Variants in LRIF1 observed in about 807,000 individuals in gnomAD.
The protein encoded by LRIF1 is ligand dependent nuclear receptor interacting factor 1, also known as ligand-dependent nuclear receptor-interacting factor 1.
In LRIF1, 32 loss-of-function variants were observed where a neutral mutation model predicts 52.7. The observed-to-expected ratio is 0.61, with a 90% CI of 0.46 to 0.82. The LOEUF is 0.82. LRIF1 is among the 40% of genes least tolerant of loss of function. The probability of loss-of-function intolerance (pLI) is 0.00; values close to 1 mark genes in which losing one functional copy is unlikely to be tolerated. For missense variants in LRIF1, 887 were observed against 892.0 expected (o/e 0.99, Z 0.07); for synonymous variants, 323 against 317.4 (o/e 1.02, Z -0.19).
chr1:110,878,131 T>TATTA, the LRIF1 span, among the ~76,000 whole-genome samples: 10 of 152,330 alleles, frequency 6.6e-5, no homozygotes, highest in South Asian at 2.1e-3. Flanking sequence ...ATGGGGCTAA[T>TATTA]GACACCTAAG....
chr1:110,914,473 T>G, the LRIF1 span, among the ~76,000 whole-genome samples: 1 of 152,170 alleles, frequency 6.6e-6, no homozygotes, highest in Non-Finnish European at 1.5e-5. Flanking sequence ...GCCACTGGGA[T>G]AATGCAAACA....
chr1:110,958,183 T>G (rs150775108), intron 1 of LRIF1, among the ~76,000 whole-genome samples: 1 of 152,338 alleles, frequency 6.6e-6, no homozygotes, highest in African/African-American at 2.4e-5. Context: ...CACCCACAAC[T>G]TCTCAATGTG....
chr1:110,941,504 G>C, the LRIF1 span: 3 of 151,928 alleles, frequency 2.0e-5, no homozygotes, highest in African/African-American at 7.2e-5. Flanking sequence ...TCATACCCCT[G>C]CAAGAAACCC....
At chr1:110,875,128 G>A in the LRIF1 span, among the ~76,000 whole-genome samples, 2 of 152,178 alleles carry the variant, frequency 1.3e-5, no homozygotes, top group Admixed American at 6.5e-5. Context: ...AGAAGTATGG[G>A]TTTGCTATGG....
chr1:110,887,321 C>T, the LRIF1 span, among the ~76,000 whole-genome samples: 1 of 152,188 alleles, frequency 6.6e-6, no homozygotes, highest in African/African-American at 2.4e-5. Flanking sequence ...GCCTCGGCCT[C>T]CCAAAGTGCT....
At chr1:110,932,317 C>T in the LRIF1 span, among the ~76,000 whole-genome samples, 1 of 152,116 alleles carries the variant, frequency 6.6e-6, no homozygotes, top group African/African-American at 2.4e-5. Flanking sequence ...ATTTCTGATG[C>T]CTCTGTACTG....
At chr1:110,889,802 C>T in the LRIF1 span, among the ~76,000 whole-genome samples, 1 of 152,070 alleles carries the variant, frequency 6.6e-6, no homozygotes, top group East Asian at 1.9e-4. Context: ...TCAAGTTTGA[C>T]CCCAAAGCCT....
At chr1:110,951,257 T>C in intron 2 of LRIF1, 31 bp downstream of exon 2, 2 of 1,549,742 alleles carry the variant, frequency 1.3e-6, no homozygotes, top group African/African-American at 1.4e-5. Context: ...TATAGATATA[T>C]AAAAAGAGCA....
the LRIF1 span, among the ~76,000 whole-genome samples, chr1:110,927,592 G>T: frequency 6.6e-6 from 1 of 152,074 alleles, no homozygotes; most frequent in Non-Finnish European, 1.5e-5. Context: ...AAGATCCAGG[G>T]GATGATGGAG....
chr1:110,938,247 A>G, the LRIF1 span: 1 of 152,134 alleles, frequency 6.6e-6, no homozygotes, highest in Admixed American at 6.5e-5. Context: ...CCAGACAAAG[A>G]CACATGAAAA....
At chr1:110,946,336 G>T (rs904201149), downstream of LRIF1, among the ~76,000 whole-genome samples, 1 of 152,202 alleles carries the variant, frequency 6.6e-6, no homozygotes, top group African/African-American at 2.4e-5. Flanking sequence ...CATAAGGAGA[G>T]GTGATGGGGA....
Position 110,950,019 on chromosome 1 carries a change from A to C in LRIF1, c.1701T>G (p.Asp567Glu), listed in dbSNP as rs187194818. The C allele has an allele frequency of 6.2e-7, 1 of 1,614,130 alleles. No homozygotes were observed. ...GGCCAAATATCTTTTTAAATTCAGC[A>C]TCACTCTTCAGATGTAATGCCTTAT... Reference protein sequence around the residue: ...RSNKALHLKSDAEFKKIFGLT... With the variant: ...RSNKALHLKSEAEFKKIFGLT... Residue 567 changes from aspartate to glutamate, a missense_variant, in exon 3 of 4, where the codon GAT becomes GAG. Physicochemically the swap from Asp to Glu is conservative, Grantham distance 45 (BLOSUM62 2). Transcript: ENST00000369763.
the LRIF1 span, chr1:110,941,839 TTTCC>T: frequency 6.6e-6 from 1 of 152,080 alleles, no homozygotes; most frequent in Non-Finnish European, 1.5e-5. Flanking sequence ...GCTAACCTCA[TTTCC>T]TTCTTTATTC....
the LRIF1 span, among the ~76,000 whole-genome samples, chr1:110,882,729 A>C: frequency 1.3e-5 from 2 of 151,998 alleles, no homozygotes; most frequent in Non-Finnish European, 2.9e-5. Context: ...GCATCTTTTC[A>C]ATTTCTTTCA....
the LRIF1 span, chr1:110,894,250 T>A: frequency 7.7e-7 from 1 of 1,292,892 alleles, no homozygotes; most frequent in Non-Finnish European, 1.1e-6. Context: ...CAAATGCCCC[T>A]GGATGCTCCC....
chr1:110,876,636 G>A, the LRIF1 span, among the ~76,000 whole-genome samples: 1 of 151,952 alleles, frequency 6.6e-6, no homozygotes, highest in South Asian at 2.1e-4. Flanking sequence ...AGCAAATAAA[G>A]GCATTCAAGA....
the LRIF1 span, among the ~76,000 whole-genome samples, chr1:110,891,096 G>T: frequency 6.6e-6 from 1 of 152,196 alleles, no homozygotes; most frequent in Non-Finnish European, 1.5e-5. Flanking sequence ...GCACTGGCCT[G>T]GTCTCTGTCA....
chr1:110,910,249 C>T, the LRIF1 span, among the ~76,000 whole-genome samples: 1 of 147,758 alleles, frequency 6.8e-6, no homozygotes, highest in Non-Finnish European at 1.5e-5. Flanking sequence ...ACACATGGCA[C>T]ATATTCTGAG....
At position 110,950,132 on chromosome 1, in the gene LRIF1, A is replaced by T. The variant is rs376667459; in HGVS notation, c.1597-9T>A. 9 of 1,597,500 alleles carry T rather than the reference A, an allele frequency of 5.6e-6. No individual in the cohort carries two copies. Among genetic ancestry groups the T allele is most frequent in the Non-Finnish European group, 7.7e-6 (9 of 1,171,722 alleles). Reference sequence around the variant, plus strand: ...GCCATCTCATTATGGATCTGGAATTAGGAAAAGAAAACACACAAACAATAC... The same window carrying T: ...GCCATCTCATTATGGATCTGGAATTTGGAAAAGAAAACACACAAACAATAC... On this transcript the variant is annotated splice_polypyrimidine_tract_variant and intron_variant, in intron 2 of 3. Coordinates refer to ENST00000369763, the MANE Select transcript of LRIF1 (RefSeq NM_018372.4).
Sources: gnomAD v4.1 joint callset for allele counts (sites outside exome capture counted in the v4.1 genomes callset) on GRCh38, gnomAD v4.1.1 for gene constraint, MANE v1.5 for transcripts, NCBI Gene and HGNC (gene_info 2026-07-23, HGNC 2026-07-21) for gene names.